CPNE4: variants seen among roughly 807,000 people sequenced by gnomAD.
CPNE4 encodes the protein copine-4.
In CPNE4, 25 loss-of-function variants were observed where a neutral mutation model predicts 67.9. The observed-to-expected ratio is 0.37, with a 90% CI of 0.27 to 0.51. The LOEUF is 0.51. CPNE4 is among the 20% of genes least tolerant of loss of function. CPNE4 has a pLI of 0.93. For missense variants in CPNE4, 464 were observed against 690.8 expected (o/e 0.67, Z 3.68); for synonymous variants, 242 against 244.9 (o/e 0.99, Z 0.11).
chr3:131,863,210 T>C (rs995886451), intron 2 of CPNE4, among the ~76,000 whole-genome samples: 7 of 152,204 alleles, frequency 4.6e-5, no homozygotes, highest in Non-Finnish European at 7.3e-5. Flanking sequence ...TTATAATCCT[T>C]TGGGTACATA....
intron 1 of CPNE4, among the ~76,000 whole-genome samples, chr3:131,957,273 G>A (rs1225301007): frequency 6.6e-6 from 1 of 152,194 alleles, no homozygotes; most frequent in East Asian, 1.9e-4. Context: ...ATGCCCATCA[G>A]CCTGATCCTG....
chr3:131,999,241 TAAAAAA>T lies in CPNE4; in HGVS notation c.-2+35320_-2+35325del, dbSNP rs79127364. ...CTCAATTATAGGTATTTATCCAAGG[TAAAAAA>T]AAAAAAAAAAAAAAAAAGATAGCCT... On this transcript the variant is annotated intron_variant, in intron 1 of 15. Coordinates refer to ENST00000429747, the MANE Select transcript of CPNE4 (RefSeq NM_130808.3). Among the ~76,000 whole-genome samples, 13 of 98,814 alleles carry T rather than the reference TAAAAAA, an allele frequency of 1.3e-4. 1 individual carries two copies. Among genetic ancestry groups the T allele is most frequent in the East Asian group, 1.0e-3 (4 of 3,816 alleles). The allele number at this position is 98,814 out of a possible 152,430, so 64.8% of individuals were successfully genotyped here.
At chr3:131,744,445 C>G (rs190160558) in intron 2 of CPNE4, among the ~76,000 whole-genome samples, 2 of 152,022 alleles carry the variant, frequency 1.3e-5, no homozygotes, top group Admixed American at 6.6e-5. Flanking sequence ...CCCCTTGTAC[C>G]CTTTATTCAG....
chr3:132,013,001 T>C (rs1046406762), intron 1 of CPNE4, among the ~76,000 whole-genome samples: 1 of 152,180 alleles, frequency 6.6e-6, no homozygotes, highest in Non-Finnish European at 1.5e-5. Flanking sequence ...GGCGGGTGGA[T>C]CAGCTGAGGT....
At chr3:131,592,623 G>A (rs776446439) in intron 7 of CPNE4, among the ~76,000 whole-genome samples, 26 of 148,936 alleles carry the variant, frequency 1.7e-4, no homozygotes, top group Admixed American at 6.0e-4. Context: ...ATATGTGTGT[G>A]TATATACACA....
At chr3:131,879,118 G>A (rs61496575) in intron 2 of CPNE4, among the ~76,000 whole-genome samples, 49,396 of 152,090 alleles carry the variant, frequency 0.32, 8,565 homozygotes, top group African/African-American at 0.43. Flanking sequence ...GCATAAGGGT[G>A]TGTGTGTGTG....
chr3:131,689,858 G>A (rs2080990882), intron 5 of CPNE4, among the ~76,000 whole-genome samples: 1 of 152,142 alleles, frequency 6.6e-6, no homozygotes, highest in African/African-American at 2.4e-5. Flanking sequence ...CTTCAGCAAA[G>A]TTTCCGAATA....
chr3:131,600,429 T>G lies in CPNE4; in HGVS notation c.682-12847A>C, dbSNP rs980224288. On this transcript the variant is annotated intron_variant, in intron 7 of 15. Coordinates refer to ENST00000429747, the MANE Select transcript of CPNE4 (RefSeq NM_130808.3). ...ACTTGCAAGGAAATGATTGAAGGGT[T>G]AACTTTAAAAGGGGAGGGGAATCAG... 5.9e-5 allele frequency among the ~76,000 whole-genome samples: 9 copies of G among 152,246 alleles called. No individual in the cohort carries two copies. In the South Asian group the frequency reaches 1.9e-3, roughly 32 times the overall value.
chr3:131,727,473 G>A (rs368314385), intron 2 of CPNE4, among the ~76,000 whole-genome samples: 2 of 150,128 alleles, frequency 1.3e-5, no homozygotes, highest in African/African-American at 2.5e-5. Flanking sequence ...TCAAAAAAAA[G>A]AAAAAAAAAT....
intron 7 of CPNE4, among the ~76,000 whole-genome samples, chr3:131,597,896 G>T (rs1938986579): frequency 6.6e-6 from 1 of 152,174 alleles, no homozygotes; most frequent in Admixed American, 6.5e-5. Flanking sequence ...TGGGGCACAA[G>T]TAAGAACTCA....
At chr3:131,546,260 C>T (rs979534845) in intron 14 of CPNE4, among the ~76,000 whole-genome samples, 3 of 152,140 alleles carry the variant, frequency 2.0e-5, no homozygotes, top group Non-Finnish European at 4.4e-5. Flanking sequence ...ACTGCAGGAT[C>T]GAAACCTGAT....
chr3:131,572,187 C>T (rs1169198992), intron 10 of CPNE4, among the ~76,000 whole-genome samples: 3 of 151,970 alleles, frequency 2.0e-5, no homozygotes, highest in Admixed American at 1.3e-4. Flanking sequence ...TTCTCCTAGC[C>T]CCTGCTTATA....
chr3:131,943,392 T>C, intron 1 of CPNE4, among the ~76,000 whole-genome samples: 1 of 152,166 alleles, frequency 6.6e-6, no homozygotes, highest in Non-Finnish European at 1.5e-5. Context: ...CTGTGATATG[T>C]CATTGGATTG....
chr3:131,795,712 C>T (rs1416269705), intron 2 of CPNE4, among the ~76,000 whole-genome samples: 4 of 152,192 alleles, frequency 2.6e-5, no homozygotes, highest in Non-Finnish European at 5.9e-5. Flanking sequence ...ACACCACCCT[C>T]GGGTCACGCT....
intron 2 of CPNE4, among the ~76,000 whole-genome samples, chr3:131,896,250 T>C (rs1346075595): frequency 2.0e-5 from 3 of 152,044 alleles, no homozygotes; most frequent in Non-Finnish European, 4.4e-5. Flanking sequence ...AATATACATA[T>C]ATATACACAT....
chr3:131,604,886 T>G (rs556213494), intron 7 of CPNE4, among the ~76,000 whole-genome samples: 25 of 152,240 alleles, frequency 1.6e-4, no homozygotes, highest in African/African-American at 6.0e-4. Flanking sequence ...TCCCCAATTT[T>G]CTTGTAAAGT....
At chr3:131,560,520 G>T (rs1387205740) in intron 11 of CPNE4, among the ~76,000 whole-genome samples, 1 of 151,988 alleles carries the variant, frequency 6.6e-6, no homozygotes, top group African/African-American at 2.4e-5. Context: ...TTCCCACAAA[G>T]GACAGAGTTA....
At chr3:131,887,074 C>T (rs1223890937) in intron 2 of CPNE4, among the ~76,000 whole-genome samples, 5 of 152,096 alleles carry the variant, frequency 3.3e-5, no homozygotes. Context: ...GGCTCCGTGT[C>T]CCCACCCAAA....
upstream of CPNE4, among the ~76,000 whole-genome samples, chr3:132,038,610 G>T (rs990551928): frequency 5.3e-5 from 8 of 152,100 alleles, no homozygotes; most frequent in Non-Finnish European, 1.2e-4. Flanking sequence ...TCTCTCAGTT[G>T]TCCCTCTGAG....
Sources: allele counts gnomAD v4.1 joint callset (sites outside exome capture counted in the v4.1 genomes callset), GRCh38; gene constraint gnomAD v4.1.1; transcripts MANE v1.5; gene names NCBI Gene and HGNC (gene_info 2026-07-23, HGNC 2026-07-21).